Variants in PHACTR1 observed in about 807,000 individuals in gnomAD.
PHACTR1 encodes the protein RPEL repeat containing 1.
Under a neutral mutation model 69.2 loss-of-function variants are expected in PHACTR1, and 16 were observed. The ratio of observed to expected loss-of-function variants is 0.23; its 90% CI spans 0.16 to 0.35. PHACTR1 has a LOEUF of 0.35. Among genes scored for constraint, PHACTR1 ranks in the 10% least tolerant of loss-of-function variants. The probability of loss-of-function intolerance (pLI) is 1.00; values close to 1 mark genes in which losing one functional copy is unlikely to be tolerated. For missense variants in PHACTR1, 510 were observed against 734.7 expected, an observed-to-expected ratio of 0.69 and a Z score of 3.54; for synonymous variants, 312 against 284.5, an observed-to-expected ratio of 1.10 and a Z score of -0.97.
chr6:13,064,741 C>CCCT, intron 5 of PHACTR1, among the ~76,000 whole-genome samples: 1 of 149,818 alleles, frequency 6.7e-6, no homozygotes, highest in Non-Finnish European at 1.5e-5. Context: ...TCAGCGTGGT[C>CCCT]TGGGACCCTA....
At chr6:12,880,021 C>G (rs1782926352) in intron 4 of PHACTR1, among the ~76,000 whole-genome samples, 1 of 152,158 alleles carries the variant, frequency 6.6e-6, no homozygotes, top group African/African-American at 2.4e-5. Context: ...GAGCTAACAT[C>G]TATTGAGTGT....
At chr6:13,121,471 A>C (rs1466176206) in intron 5 of PHACTR1, among the ~76,000 whole-genome samples, 1 of 152,224 alleles carries the variant, frequency 6.6e-6, no homozygotes, top group Non-Finnish European at 1.5e-5. Flanking sequence ...ATATAATTAT[A>C]ACATAGAAGT....
intron 4 of PHACTR1, among the ~76,000 whole-genome samples, chr6:12,876,116 G>A (rs773873132): frequency 7.9e-5 from 12 of 152,312 alleles, no homozygotes; most frequent in Non-Finnish European, 1.2e-4. Context: ...AAGGGCTACC[G>A]TAGCCCATCG....
chr6:13,196,420 C>CTTTTTTTTGTTT, intron 7 of PHACTR1: 1 of 135,694 alleles, frequency 7.4e-6, no homozygotes, highest in Non-Finnish European at 1.5e-5. Flanking sequence ...GGTTTTCTTT[C>CTTTTTTTTGTTT]TTTTTTTTTT....
chr6:13,006,573 C>A (rs114080450), intron 4 of PHACTR1, among the ~76,000 whole-genome samples: 1 of 150,744 alleles, frequency 6.6e-6, no homozygotes, highest in Non-Finnish European at 1.5e-5. Flanking sequence ...TACATACACA[C>A]CTTATATTAA....
intron 4 of PHACTR1, among the ~76,000 whole-genome samples, chr6:12,982,152 G>T (rs1795599165): frequency 6.6e-6 from 1 of 152,192 alleles, no homozygotes; most frequent in South Asian, 2.1e-4. Flanking sequence ...CTAATCAACA[G>T]GTCTTAACAT....
At chr6:13,189,825 G>C (rs893694421) in intron 7 of PHACTR1, among the ~76,000 whole-genome samples, 1 of 152,040 alleles carries the variant, frequency 6.6e-6, no homozygotes, top group East Asian at 1.9e-4. Flanking sequence ...TTGGGCTGCC[G>C]CAACTAAAGA....
At chr6:12,803,022 T>A (rs959963544) in intron 4 of PHACTR1, among the ~76,000 whole-genome samples, 9 of 152,194 alleles carry the variant, frequency 5.9e-5, no homozygotes, top group African/African-American at 2.2e-4. Context: ...CATGATATGA[T>A]GAAGGTGAAC....
chr6:12,823,588 G>A (rs9381417), intron 4 of PHACTR1, among the ~76,000 whole-genome samples: 17,832 of 152,124 alleles, frequency 0.12, 1,185 homozygotes, highest in East Asian at 0.18. Context: ...GATCCATATG[G>A]AATGTGAAAG....
chr6:13,114,222 G>T (rs77552050), intron 5 of PHACTR1, among the ~76,000 whole-genome samples: 1,851 of 152,188 alleles, frequency 0.012, 28 homozygotes, highest in African/African-American at 0.042. Context: ...GTTGGCTCAA[G>T]ATCAGAAAAG....
chr6:13,194,255 T>C (rs541480045), intron 7 of PHACTR1, among the ~76,000 whole-genome samples: 1 of 152,076 alleles, frequency 6.6e-6, no homozygotes, highest in Non-Finnish European at 1.5e-5. Context: ...ATACAAAAAT[T>C]AGCTGGGCGT....
intron 4 of PHACTR1, among the ~76,000 whole-genome samples, chr6:12,888,620 ATG>A (rs1019871306): frequency 8.5e-5 from 13 of 152,210 alleles, no homozygotes; most frequent in African/African-American, 3.1e-4. Flanking sequence ...TAAATAAAAT[ATG>A]TGTTTTTTTA....
intron 4 of PHACTR1, among the ~76,000 whole-genome samples, chr6:12,786,279 C>A (rs10948247): frequency 0.37 from 56,551 of 152,136 alleles, 11,313 homozygotes; most frequent in African/African-American, 0.5. Flanking sequence ...GTGTTTCTTG[C>A]ACATTCATGC....
At chr6:12,846,586 G>A (rs1779284963) in intron 4 of PHACTR1, among the ~76,000 whole-genome samples, 1 of 152,114 alleles carries the variant, frequency 6.6e-6, no homozygotes. Flanking sequence ...TGTAAGGTGT[G>A]GTAGGAACAC....
At chr6:12,840,483 C>T (rs1022918581) in intron 4 of PHACTR1, among the ~76,000 whole-genome samples, 3 of 152,136 alleles carry the variant, frequency 2.0e-5, no homozygotes, top group Non-Finnish European at 4.4e-5. Context: ...GAGCCTGTGT[C>T]CAGGGATCGA....
intron 4 of PHACTR1, among the ~76,000 whole-genome samples, chr6:12,985,205 C>T (rs1409014668): frequency 6.6e-6 from 1 of 152,150 alleles, no homozygotes; most frequent in Non-Finnish European, 1.5e-5. Context: ...CTATTTCACA[C>T]CTCATCTCCA....
At chr6:13,064,547 GATATATATAT>G (rs1195089569) in intron 5 of PHACTR1, among the ~76,000 whole-genome samples, 14 of 70,214 alleles carry the variant, frequency 2.0e-4, no homozygotes, top group Non-Finnish European at 2.8e-4. Context: ...GAAGGGAAAA[GATATATATAT>G]ATATATATAT....
chr6:13,234,894 A>G (rs1295906492), intron 10 of PHACTR1, among the ~76,000 whole-genome samples: 2 of 152,198 alleles, frequency 1.3e-5, no homozygotes, highest in East Asian at 3.8e-4. Flanking sequence ...ACAGAGGACC[A>G]AGGGGTGGTG....
intron 4 of PHACTR1, among the ~76,000 whole-genome samples, chr6:12,881,792 C>T (rs1203834197): frequency 6.6e-6 from 1 of 152,088 alleles, no homozygotes; most frequent in Non-Finnish European, 1.5e-5. Context: ...TAGACATACA[C>T]TTGAATACGT....
Sources: allele counts gnomAD v4.1 joint callset (sites outside exome capture counted in the v4.1 genomes callset), GRCh38; gene constraint gnomAD v4.1.1; transcripts MANE v1.5; gene names NCBI Gene and HGNC (gene_info 2026-07-23, HGNC 2026-07-21).